Variants in LAMA5 observed in about 807,000 individuals in gnomAD.
LAMA5 encodes laminin subunit alpha-5.
In LAMA5, 260 loss-of-function variants were observed where a neutral mutation model predicts 433.4. The observed-to-expected ratio is 0.60, with a 90% CI of 0.54 to 0.66. The LOEUF (loss-of-function observed/expected upper bound fraction) is 0.66, where lower values mean the gene tolerates loss of function less well. Among genes scored for constraint, LAMA5 ranks in the 30% least tolerant of loss-of-function variants. LAMA5 has a pLI of 0.00. For missense variants in LAMA5, 5,378 were observed against 5,258.5 expected, an observed-to-expected ratio of 1.02 and a Z score of -0.70; for synonymous variants, 2,620 against 2,226.6, an observed-to-expected ratio of 1.18 and a Z score of -4.97.
chr20:62,342,322 GA>G, intron 11 of LAMA5: 1 of 374,570 alleles, frequency 2.7e-6, no homozygotes, highest in Non-Finnish European at 5.2e-6. Flanking sequence ...AGATGAGGTA[GA>G]AAATTGAATA....
Position 62,322,654 on chromosome 20 carries a change from C to G in LAMA5, c.6165+4G>C, listed in dbSNP as rs1174500636. 10 of 1,534,392 alleles carry G rather than the reference C, an allele frequency of 6.5e-6. No individual in the cohort carries two copies. Among genetic ancestry groups the G allele is most frequent in the Non-Finnish European group, 8.8e-6 (10 of 1,139,824 alleles). On this transcript the variant is annotated splice_donor_region_variant and intron_variant, in intron 46 of 79. Coordinates refer to ENST00000252999, the MANE Select transcript of LAMA5 (RefSeq NM_005560.6). ...ACCCAGCCCTGCTTACCCCACAGCC[C>G]TACCTGGCAGCGGTCACAGCGCCGC... is the stretch of plus-strand genomic sequence containing the variant.
Position 62,337,952 on chromosome 20 carries a change from A to G in LAMA5, c.1892-14T>C. ...CGCAGGTGCATGCTGCAGAGGGACAATGGGGTCAGGCCCTGGCGCCATGTG... is the reference window on the plus strand; with the variant it reads ...CGCAGGTGCATGCTGCAGAGGGACAGTGGGGTCAGGCCCTGGCGCCATGTG... On this transcript the variant is annotated splice_polypyrimidine_tract_variant and intron_variant, in intron 14 of 79. Coordinates refer to ENST00000252999, the MANE Select transcript of LAMA5 (RefSeq NM_005560.6). 1 of 1,605,930 alleles carries G rather than the reference A, an allele frequency of 6.2e-7. No homozygotes were observed. Among genetic ancestry groups the G allele is most frequent in the African/African-American group, 1.3e-5 (1 of 74,848 alleles).
Position 62,317,781 on chromosome 20 carries a change from G to A in LAMA5, c.7240-3C>T. ...CGGGACAGCTCCTGCTTCCTTTGCT[G>A]AAGGCAATGCAGGGGAGTTGGGGAC... On this transcript the variant is annotated splice_polypyrimidine_tract_variant and splice_region_variant and intron_variant, in intron 53 of 79. Transcript: ENST00000252999. 3 of 1,586,840 alleles carry A rather than the reference G, an allele frequency of 1.9e-6. No homozygotes were observed. The highest frequency in any genetic ancestry group is 2.6e-6 in the Non-Finnish European group (3 of 1,165,106).
chr20:62,353,774 C>T (rs1222200235), intron 2 of LAMA5, among the ~76,000 whole-genome samples: 1 of 152,166 alleles, frequency 6.6e-6, no homozygotes, highest in East Asian at 1.9e-4. Flanking sequence ...GATGGGGCCC[C>T]TGCCCCCACC....
At chr20:62,348,526 G>C (rs6062231) in intron 6 of LAMA5, among the ~76,000 whole-genome samples, 1 of 152,094 alleles carries the variant, frequency 6.6e-6, no homozygotes, top group Non-Finnish European at 1.5e-5. Flanking sequence ...AGAATGGCAC[G>C]AACCTGGGAG....
Position 62,310,566 on chromosome 20 carries a change from CG to C in LAMA5, c.10452del (p.Val3485SerfsTer7). 6.5e-7 allele frequency: 1 copy of C among 1,548,342 alleles called. No homozygotes were observed. Among genetic ancestry groups the C allele is most frequent in the Non-Finnish European group, 8.7e-7 (1 of 1,152,532 alleles). ...CTCTTCACACAGCCGCTGAACCCGA[CG>C]GTCACCTATAGGAGCAGACCGGGCA... is the stretch of plus-strand genomic sequence containing the variant. ...ASSHSSKLPV[T>X]VGFSGCVKRL... On this transcript the variant is annotated frameshift_variant, in exon 76 of 80. Transcript: ENST00000252999. LOFTEE classifies it high-confidence loss of function.
chr20:62,338,480 G>A lies in LAMA5; in HGVS notation c.1606C>T (p.Pro536Ser). ...AGAGGGGACTCACGCTGGCAGCCGGGGCCGTAGAACCCTGGCGCGCAGAGC... is the reference window on the plus strand; with the variant it reads ...AGAGGGGACTCACGCTGGCAGCCGGAGCCGTAGAACCCTGGCGCGCAGAGC... The part of the protein sequence containing the change: ...CELCAPGFYG[P>S]GCQPCQCSSP... The change falls in exon 12 of 80, where the codon CCC (proline) becomes TCC (serine). Residue 536 changes from proline to serine, a missense_variant. Transcript: ENST00000252999. 6.2e-7 allele frequency: 1 copy of A among 1,608,674 alleles called. No individual in the cohort carries two copies. Among genetic ancestry groups the A allele is most frequent in the Non-Finnish European group, 8.5e-7 (1 of 1,178,540 alleles).
chr20:62,313,106 G>A lies in LAMA5; in HGVS notation c.8937C>T (p.Leu2979=), dbSNP rs770661071. Residue 2979 remains leucine, a synonymous_variant, in exon 65 of 80, where the codon CTC becomes CTT. Transcript: ENST00000252999. ...ELRLVSYSGV[L]FFLKQQSQFL... ...GGCGCACCTGCTGCTTCAGGAAGAA[G>A]AGCACCCCGCTGTAGGACACGAGCC... 37 of 1,609,622 alleles carry A rather than the reference G, an allele frequency of 2.3e-5. No individual in the cohort carries two copies. Among genetic ancestry groups the A allele is most frequent in the Middle Eastern group, 1.6e-4 (1 of 6,080 alleles).
At position 62,333,882 on chromosome 20, in the gene LAMA5, G is replaced by A; in HGVS notation, c.2878+19C>T. 1 of 1,558,564 alleles carries A rather than the reference G, an allele frequency of 6.4e-7. No individual in the cohort carries two copies. Among genetic ancestry groups the A allele is most frequent in the Non-Finnish European group, 8.7e-7 (1 of 1,146,278 alleles). On this transcript the variant is annotated intron_variant, in intron 23 of 79. Transcript: ENST00000252999. ...CTGGGCTGGTGGGGCAGGGGCTGTGGCCCAGGGACCCCACTCACAGTTGGC... is the reference window on the plus strand; with the variant it reads ...CTGGGCTGGTGGGGCAGGGGCTGTGACCCAGGGACCCCACTCACAGTTGGC...
chr20:62,312,111 C>T (rs1052480354), intron 69 of LAMA5, 61 bp from the exon 70 acceptor site: 4 of 1,609,534 alleles, frequency 2.5e-6, no homozygotes, highest in Non-Finnish European at 3.4e-6. Context: ...CCAGACACCC[C>T]AGTCCCAACT....
Position 62,337,933 on chromosome 20 carries a change from T to A in LAMA5, c.1897A>T (p.Thr633Ser). 1 of 1,608,972 alleles carries A rather than the reference T, an allele frequency of 6.2e-7. No homozygotes were observed. The highest frequency in any genetic ancestry group is 8.5e-7 in the Non-Finnish European group (1 of 1,178,176). Residue 633 changes from threonine (T) to serine (S), a missense_variant, in exon 15 of 80, where the codon ACC (threonine) becomes TCC (serine). Physicochemically the swap from Thr to Ser is moderately conservative, Grantham distance 58. Coordinates refer to ENST00000252999, the MANE Select transcript of LAMA5 (RefSeq NM_005560.6). ...YHGFPNCQAC[T>S]CDPRGALDQL... ...TCCAGGGCTCCCCGAGGGTCGCAGG[T>A]GCATGCTGCAGAGGGACAATGGGGT...
chr20:62,311,053 C>A lies in LAMA5; in HGVS notation c.10130G>T (p.Gly3377Val). The A allele has an allele frequency of 6.2e-7, 1 of 1,601,842 alleles. No homozygotes were observed. Among genetic ancestry groups the A allele is most frequent in the African/African-American group, 1.3e-5 (1 of 74,678 alleles). ...SMHVLPRSSR[G>V]LLLFTARLRP... ...CAGACGGGCAGTGAAGAGGAGGAGG[C>A]CTCGGGAGCTTCGCGGGAGGACGTG... The change falls in exon 74 of 80, where the codon GGC becomes GTC. Residue 3377 changes from glycine (G) to valine (V), a missense_variant. By Grantham distance (109) the Gly-to-Val change is moderately radical. Coordinates refer to ENST00000252999, the MANE Select transcript of LAMA5 (RefSeq NM_005560.6).
In LAMA5 at chr20:62,311,768, C is replaced by T. The variant is rs772088849; in HGVS notation, c.9652G>A (p.Asp3218Asn). The change falls in exon 71 of 80, where the codon GAT (aspartate) becomes AAT (asparagine). Residue 3218 changes from aspartate (D) to asparagine (N), a missense_variant. Physicochemically the swap from Asp to Asn is conservative, Grantham distance 23. Transcript: ENST00000252999. ...SNATGVWLYV[D>N]DQLQQMKPHR... ...GGCTTCATCTGCTGGAGCTGGTCAT[C>T]GACATACAGCCAGACTCTGGGGGGC... is the stretch of plus-strand genomic sequence containing the variant. The T allele has an allele frequency of 5.4e-5, 85 of 1,560,898 alleles. No individual in the cohort carries two copies. The highest frequency in any genetic ancestry group is 6.8e-5 in the African/African-American group (5 of 73,830).
intron 20 of LAMA5, 69 bp downstream of exon 20, chr20:62,334,952 C>A: frequency 1.4e-6 from 2 of 1,453,116 alleles, no homozygotes; most frequent in Non-Finnish European, 1.9e-6. Flanking sequence ...TCCCTCCGGG[C>A]CTTGGGTTCC....
rs1986177245 is a variant in LAMA5, at chr20:62,310,832, G to A, written c.10282-3C>T. 2 of 1,570,410 alleles carry A rather than the reference G, an allele frequency of 1.3e-6. No homozygotes were observed. The highest frequency in any genetic ancestry group is 2.3e-5 in the South Asian group (2 of 86,340). Reference sequence around the variant, plus strand: ...TTCTTCTCCCAGCGCACGGAGACCTGGGGGCAGGAGATGGGTCAGGGTAGG... The same window carrying A: ...TTCTTCTCCCAGCGCACGGAGACCTAGGGGCAGGAGATGGGTCAGGGTAGG... On this transcript the variant is annotated splice_region_variant and splice_polypyrimidine_tract_variant and intron_variant, in intron 74 of 79. Transcript: ENST00000252999.
At chr20:62,343,958 A>G (rs1212549450) in intron 11 of LAMA5, among the ~76,000 whole-genome samples, 2 of 151,868 alleles carry the variant, frequency 1.3e-5, no homozygotes, top group Non-Finnish European at 2.9e-5. Context: ...CAGCCTGACC[A>G]ACATGGAGAA....
chr20:62,317,303 C>A (rs781664572), intron 55 of LAMA5, 42 bp downstream of exon 55: 3 of 1,544,190 alleles, frequency 1.9e-6, no homozygotes, highest in African/African-American at 2.7e-5. Context: ...CTGTCTGCAT[C>A]CCCAGGGTGG....
Position 62,323,690 on chromosome 20 carries a change from G to A in LAMA5, c.5850-20C>T. The A allele has an allele frequency of 6.3e-7, 1 of 1,597,994 alleles. No individual in the cohort carries two copies. Among genetic ancestry groups the A allele is most frequent in the Non-Finnish European group, 8.5e-7 (1 of 1,170,434 alleles). ...GCACACCTGGGAGCAGGGTGGGGAGGGGCCGTCAGTGGCCCGTGGCGCCCA... is the reference window on the plus strand; with the variant it reads ...GCACACCTGGGAGCAGGGTGGGGAGAGGCCGTCAGTGGCCCGTGGCGCCCA... On this transcript the variant is annotated intron_variant, in intron 44 of 79. Transcript: ENST00000252999.
At chr20:62,330,013 G>T in intron 31 of LAMA5, 97 bp from the exon 32 acceptor site, 1 of 1,473,182 alleles carries the variant, frequency 6.8e-7, no homozygotes, top group Non-Finnish European at 9.0e-7. Flanking sequence ...GCCAAGGAGT[G>T]CCCGCTGGCC....
Sources: gnomAD v4.1 joint callset for allele counts (sites outside exome capture counted in the v4.1 genomes callset) on GRCh38, gnomAD v4.1.1 for gene constraint, MANE v1.5 for transcripts, NCBI Gene and HGNC (gene_info 2026-07-23, HGNC 2026-07-21) for gene names.